The following MBD5 variants were observed in gnomAD, a reference collection of about 807,000 sequenced individuals.
The protein encoded by MBD5 is methyl-CpG-binding domain protein 5.
In MBD5, 13 loss-of-function variants were observed where a neutral mutation model predicts 117.3. The observed-to-expected ratio is 0.11, with a 90% CI of 0.07 to 0.18. The LOEUF (loss-of-function observed/expected upper bound fraction) is 0.18. Among genes scored for constraint, MBD5 ranks in the 10% least tolerant of loss-of-function variants. The pLI is 1.00. For missense variants in MBD5, 1,879 were observed against 2,093.8 expected (o/e 0.90, Z 2.00); for synonymous variants, 727 against 766.4 (o/e 0.95, Z 0.85).
At chr2:148,447,164 G>GGA (rs1706566558) in intron 4 of MBD5, among the ~76,000 whole-genome samples, 32 of 104,102 alleles carry the variant, frequency 3.1e-4, no homozygotes, top group African/African-American at 1.1e-3. Flanking sequence ...GGAAAGAAAG[G>GGA]AAGAAAGGAA....
rs972538970 is a variant in MBD5 at position 148,484,863 on chromosome 2, G to A, written c.3544+728G>A. 3.9e-5 allele frequency among the ~76,000 whole-genome samples: 6 copies of A among 152,144 alleles called. No homozygotes were observed. The East Asian group carries it at 1.2e-3, about 29-fold the overall frequency. ...TGGTGTCCATAAAGTCTAGAAACAG[G>A]GAAATGTACATCATGATGTCAATGG... On this transcript the variant is annotated intron_variant, in intron 9 of 13. Transcript: ENST00000642680.
intron 1 of MBD5, among the ~76,000 whole-genome samples, chr2:148,114,151 A>G (rs1050100789): frequency 9.2e-5 from 14 of 152,302 alleles, no homozygotes; most frequent in African/African-American, 3.4e-4. Context: ...TTTCTTTTGA[A>G]TAAAAAATAC....
intron 5 of MBD5, among the ~76,000 whole-genome samples, chr2:148,462,267 TC>T (rs1011282618): frequency 6.6e-6 from 1 of 152,202 alleles, no homozygotes; most frequent in African/African-American, 2.4e-5. Context: ...TGTTCTTTGT[TC>T]CTTTCTTGCC....
chr2:148,037,587 C>G (rs1056056080), intron 1 of MBD5, among the ~76,000 whole-genome samples: 3 of 151,806 alleles, frequency 2.0e-5, no homozygotes, highest in Admixed American at 6.6e-5. Context: ...ACATCAAATC[C>G]TGATTCAAGA....
At chr2:148,213,353 G>A (rs1443697311) in intron 2 of MBD5, among the ~76,000 whole-genome samples, 8 of 152,154 alleles carry the variant, frequency 5.3e-5, no homozygotes, top group Admixed American at 2.6e-4. Context: ...TTAAATATAA[G>A]CTAATATGCA....
chr2:148,449,091 G>T (rs999668156), intron 4 of MBD5, among the ~76,000 whole-genome samples: 1 of 152,050 alleles, frequency 6.6e-6, no homozygotes, highest in East Asian at 1.9e-4. Flanking sequence ...ATAACTCGTT[G>T]CTATTCTTTA....
chr2:148,255,571 A>G (rs1396324947), intron 3 of MBD5, among the ~76,000 whole-genome samples: 2 of 152,180 alleles, frequency 1.3e-5, no homozygotes, highest in East Asian at 3.9e-4. Context: ...TAGGTCAGGT[A>G]ACAACAGGTT....
chr2:148,196,498 T>A (rs1309310765), intron 2 of MBD5, among the ~76,000 whole-genome samples: 1 of 152,194 alleles, frequency 6.6e-6, no homozygotes. Context: ...ATTAAAAGAA[T>A]CAATCTCTTA....
Position 148,080,066 on chromosome 2 carries a change from C to T in MBD5, c.-925+58382C>T, listed in dbSNP as rs116411775. Among the ~76,000 whole-genome samples, 24 of 152,124 alleles carry T rather than the reference C, an allele frequency of 1.6e-4. No individual in the cohort carries two copies. The South Asian group carries it at 2.5e-3, about 16-fold the overall frequency. On this transcript the variant is annotated intron_variant, in intron 1 of 13. Coordinates refer to ENST00000642680, the MANE Select transcript of MBD5 (RefSeq NM_001378120.1). The stretch of plus-strand genomic sequence containing the variant: ...TGGAATTATTAAAACAAAACAAAAT[C>T]GAAACAAACAAGAACAATAGAAAAC...
At chr2:148,486,640 G>A (rs1010853510) in intron 10 of MBD5, among the ~76,000 whole-genome samples, 1 of 151,398 alleles carries the variant, frequency 6.6e-6, no homozygotes, top group Admixed American at 6.6e-5. Context: ...CTACAAATCA[G>A]GAAGAAAAAG....
At chr2:148,368,202 C>A (rs938317069) in intron 4 of MBD5, among the ~76,000 whole-genome samples, 1 of 152,120 alleles carries the variant, frequency 6.6e-6, no homozygotes, top group Admixed American at 6.5e-5. Context: ...TGGAAGCCAT[C>A]ATTCTCAGCA....
At chr2:148,052,867 G>C (rs374914864) in intron 1 of MBD5, among the ~76,000 whole-genome samples, 1 of 149,186 alleles carries the variant, frequency 6.7e-6, no homozygotes, top group African/African-American at 2.5e-5. Flanking sequence ...AGAAGAATGT[G>C]TATTCTGTCA....
At chr2:148,150,592 T>A (rs1161379090) in intron 1 of MBD5, among the ~76,000 whole-genome samples, 1 of 152,044 alleles carries the variant, frequency 6.6e-6, no homozygotes, top group Non-Finnish European at 1.5e-5. Context: ...GTTCTTCCAT[T>A]TGTTTGTATC....
At chr2:148,062,021 AAGGATGTATTT>A (rs531891104) in intron 1 of MBD5, 248 of 151,682 alleles carry the variant, frequency 1.6e-3, no homozygotes, top group African/African-American at 5.6e-3. Flanking sequence ...ATAAATATGT[AAGGATGTATTT>A]TATAGTATGC....
intron 3 of MBD5, chr2:148,264,865 C>T (rs1020973357): frequency 5.9e-5 from 9 of 152,156 alleles, no homozygotes; most frequent in African/African-American, 2.2e-4. Flanking sequence ...TAACCTCTGC[C>T]TCACTCTCAC....
chr2:148,467,413 T>C (rs1416297325), intron 7 of MBD5, among the ~76,000 whole-genome samples: 6 of 152,072 alleles, frequency 3.9e-5, no homozygotes, highest in Non-Finnish European at 7.4e-5. Flanking sequence ...TGCACTCATG[T>C]AAAAAGAGAA....
At chr2:148,140,146 C>G (rs866297440) in intron 1 of MBD5, among the ~76,000 whole-genome samples, 4 of 152,112 alleles carry the variant, frequency 2.6e-5, no homozygotes, top group African/African-American at 9.7e-5. Context: ...AACACAGATT[C>G]TTTTATTCCC....
intron 1 of MBD5, among the ~76,000 whole-genome samples, chr2:148,146,831 A>G (rs549060295): frequency 6.6e-6 from 1 of 152,262 alleles, no homozygotes; most frequent in South Asian, 2.1e-4. Flanking sequence ...TTAACCTGTC[A>G]TTAGTTCATT....
rs73011297 is a variant in MBD5 at position 148,257,787 on chromosome 2, G to T, written c.-680+24392G>T. Among the ~76,000 whole-genome samples, 855 of 152,320 alleles carry T rather than the reference G, an allele frequency of 5.6e-3. 11 individuals are homozygous for T. Among genetic ancestry groups the T allele is most frequent in the African/African-American group, 0.02 (827 of 41,574 alleles). ...TTCATTGTTGCCTGTCCCATGTGAA[G>T]GCGAACTGTTCCTGGCTCTCTGGAG... On this transcript the variant is annotated intron_variant, in intron 3 of 13. Coordinates refer to ENST00000642680, the MANE Select transcript of MBD5 (RefSeq NM_001378120.1).
Sources: gnomAD v4.1 joint callset for allele counts (sites outside exome capture counted in the v4.1 genomes callset) on GRCh38, gnomAD v4.1.1 for gene constraint, MANE v1.5 for transcripts, NCBI Gene and HGNC (gene_info 2026-07-23, HGNC 2026-07-21) for gene names.